Variants in PRKCZ observed in about 807,000 individuals in gnomAD.
The protein encoded by PRKCZ is protein kinase C zeta type.
In PRKCZ, 33 loss-of-function variants were observed where a neutral mutation model predicts 79.5. The observed-to-expected ratio is 0.41, with a 90% CI of 0.31 to 0.55. The LOEUF is 0.55. Among genes scored for constraint, PRKCZ ranks in the 20% least tolerant of loss-of-function variants. The probability of loss-of-function intolerance (pLI) is 0.19; values close to 1 mark genes in which losing one functional copy is unlikely to be tolerated. For synonymous variants in PRKCZ, 342 were observed against 320.9 expected (o/e 1.07, Z -0.70); for missense variants, 578 against 813.5 (o/e 0.71, Z 3.52).
chr1:2,133,127 G>A (rs1454496798), intron 4 of PRKCZ, among the ~76,000 whole-genome samples: 1 of 152,210 alleles, frequency 6.6e-6, no homozygotes, highest in Non-Finnish European at 1.5e-5. Flanking sequence ...GAACTCGAAG[G>A]ATGTCCAGTT....
Position 2,092,232 on chromosome 1 carries a change from C to T in PRKCZ, c.334+32641C>T, listed in dbSNP as rs182667175. On this transcript the variant is annotated intron_variant, in intron 4 of 17. Coordinates refer to ENST00000378567, the MANE Select transcript of PRKCZ (RefSeq NM_002744.6). ...CCTCCCCCTGTTTTCCTACGGGAGG[C>T]GAATCCTTGATGAGAGGAGGAGGCC... 3.1e-4 allele frequency among the ~76,000 whole-genome samples: 47 copies of T among 151,732 alleles called. No homozygotes were observed. In the East Asian group the frequency reaches 7.8e-3, roughly 25 times the overall value.
chr1:2,095,534 G>C (rs982746723), intron 4 of PRKCZ, among the ~76,000 whole-genome samples: 2 of 152,090 alleles, frequency 1.3e-5, no homozygotes, highest in African/African-American at 4.8e-5. Flanking sequence ...TCAAGTCCCT[G>C]TCAGTTGTTC....
At chr1:2,063,505 G>A (rs922432679) in intron 4 of PRKCZ, among the ~76,000 whole-genome samples, 3 of 152,078 alleles carry the variant, frequency 2.0e-5, no homozygotes, top group Admixed American at 1.3e-4. Flanking sequence ...TAGAGACAGG[G>A]TTTCATCATG....
At chr1:2,110,717 G>A (rs1669563950) in intron 4 of PRKCZ, among the ~76,000 whole-genome samples, 1 of 149,674 alleles carries the variant, frequency 6.7e-6, no homozygotes. Context: ...GAAACCCTGT[G>A]AGTGTGGGTG....
intron 4 of PRKCZ, among the ~76,000 whole-genome samples, chr1:2,121,461 G>C (rs994596113): frequency 5.3e-5 from 8 of 151,626 alleles, no homozygotes; most frequent in African/African-American, 1.9e-4. Flanking sequence ...TAGTTAGTTA[G>C]AGTCATGGCG....
At chr1:2,104,975 G>A (rs971018138) in intron 4 of PRKCZ, 9 of 962,716 alleles carry the variant, frequency 9.3e-6, no homozygotes, top group Non-Finnish European at 1.1e-5. Flanking sequence ...GCCTCACCCC[G>A]ACAGCCACCC....
intron 3 of PRKCZ, 21 bp from the exon 4 acceptor site, chr1:2,059,520 C>G (rs1412558515): frequency 6.2e-7 from 1 of 1,614,064 alleles, no homozygotes; most frequent in Non-Finnish European, 8.5e-7. Context: ...TTGACGCTGT[C>G]TCTTTCTCTC....
rs1350250153 is a variant in PRKCZ at position 2,059,607 on chromosome 1, TC to T, written c.334+18del. The T allele has an allele frequency of 6.2e-7, 1 of 1,613,890 alleles. No individual in the cohort carries two copies. The highest frequency in any genetic ancestry group is 1.1e-5 in the South Asian group (1 of 91,078). The stretch of plus-strand genomic sequence containing the variant: ...GGAGAAGACAGTGAGTACTGGGGTT[TC>T]CTACGCCGGTCTCGCATGTTACGGG... On this transcript the variant is annotated intron_variant, in intron 4 of 17. Coordinates refer to ENST00000378567, the MANE Select transcript of PRKCZ (RefSeq NM_002744.6).
At chr1:2,066,222 G>A (rs1661111062) in intron 4 of PRKCZ, among the ~76,000 whole-genome samples, 1 of 152,202 alleles carries the variant, frequency 6.6e-6, no homozygotes, top group Admixed American at 6.5e-5. Context: ...CAGGATGAGT[G>A]AGGAAGTGTT....
At chr1:2,092,044 G>T (rs376995869) in intron 4 of PRKCZ, among the ~76,000 whole-genome samples, 1 of 151,916 alleles carries the variant, frequency 6.6e-6, no homozygotes, top group East Asian at 1.9e-4. Context: ...GCCGGTGGAC[G>T]AATCTGTCCT....
At position 2,174,622 on chromosome 1, in the gene PRKCZ, G is replaced by C; in HGVS notation, c.1406-132G>C. Reference sequence around the variant, plus strand: ...GACTCCGGGTTATAGATATTGCTGGGCTGTAGGAAGGGAGGGGCTCCGGGG... The same window carrying C: ...GACTCCGGGTTATAGATATTGCTGGCCTGTAGGAAGGGAGGGGCTCCGGGG... On this transcript the variant is annotated intron_variant, in intron 14 of 17. Coordinates refer to ENST00000378567, the MANE Select transcript of PRKCZ (RefSeq NM_002744.6). This position sits in a 1 kb window ranked among gnomAD's most constrained non-coding sequence, Gnocchi z 6.2. 1.2e-6 allele frequency: 1 copy of C among 817,656 alleles called. No homozygotes were observed. Among genetic ancestry groups the C allele is most frequent in the Non-Finnish European group, 2.0e-6 (1 of 503,868 alleles). The allele number at this position is 817,656 out of a possible 1,614,324, so 50.7% of individuals were successfully genotyped here. A position where few individuals can be genotyped will look rare whatever the true frequency, so the allele number is the denominator to read the frequency against.
At chr1:2,129,496 C>T (rs1168420140) in intron 4 of PRKCZ, among the ~76,000 whole-genome samples, 1 of 152,084 alleles carries the variant, frequency 6.6e-6, no homozygotes, top group Non-Finnish European at 1.5e-5. Flanking sequence ...CACGTGGGCT[C>T]CAGGACAGGA....
intron 4 of PRKCZ, among the ~76,000 whole-genome samples, chr1:2,085,176 T>C (rs1664263195): frequency 6.6e-6 from 1 of 152,200 alleles, no homozygotes; most frequent in Admixed American, 6.5e-5. Context: ...TGAGTGGGTA[T>C]TTATTTAAAG....
chr1:2,095,476 C>G (rs969074832), intron 4 of PRKCZ, among the ~76,000 whole-genome samples: 1 of 152,112 alleles, frequency 6.6e-6, no homozygotes, highest in Non-Finnish European at 1.5e-5. Flanking sequence ...GTGAGGGACC[C>G]CCTGAAGAGG....
chr1:2,057,375 C>T (rs923023697), intron 3 of PRKCZ, among the ~76,000 whole-genome samples: 2 of 152,200 alleles, frequency 1.3e-5, no homozygotes, highest in Non-Finnish European at 2.9e-5. Flanking sequence ...CAGCCGGTCA[C>T]GTCTTTGTCT....
chr1:2,083,939 A>G (rs1664038423), intron 4 of PRKCZ, among the ~76,000 whole-genome samples: 1 of 152,174 alleles, frequency 6.6e-6, no homozygotes, highest in African/African-American at 2.4e-5. Flanking sequence ...GTGTTTTAAA[A>G]ATCGTATGTT....
At chr1:2,059,845 C>T (rs907118663) in intron 4 of PRKCZ, among the ~76,000 whole-genome samples, 8 of 152,114 alleles carry the variant, frequency 5.3e-5, no homozygotes, top group Admixed American at 2.0e-4. Flanking sequence ...GGTGCCCTGC[C>T]GTCTCCCTAG....
chr1:2,057,859 C>T (rs1229545568), intron 3 of PRKCZ, among the ~76,000 whole-genome samples: 2 of 151,760 alleles, frequency 1.3e-5, no homozygotes, highest in Non-Finnish European at 2.9e-5. Context: ...CATGTGCCAC[C>T]ACACTTGGCT....
chr1:2,128,937 A>C lies in PRKCZ; in HGVS notation c.335-6325A>C, dbSNP rs1232828214. Among the ~76,000 whole-genome samples, 1 of 152,162 alleles carries C rather than the reference A, an allele frequency of 6.6e-6. No individual in the cohort carries two copies. Among genetic ancestry groups the C allele is most frequent in the Admixed American group, 6.5e-5 (1 of 15,282 alleles). On this transcript the variant is annotated intron_variant, in intron 4 of 17. Coordinates refer to ENST00000378567, the MANE Select transcript of PRKCZ (RefSeq NM_002744.6). This position sits in a 1 kb window ranked among gnomAD's most constrained non-coding sequence, Gnocchi z 6.5. ...GGGCCGTTTCCAGAGCACACTCCCCAGAAGGGCTCCCTTCTCCTTTTCACA... is the reference window on the plus strand; with the variant it reads ...GGGCCGTTTCCAGAGCACACTCCCCCGAAGGGCTCCCTTCTCCTTTTCACA...
Sources: gnomAD v4.1 joint callset for allele counts (sites outside exome capture counted in the v4.1 genomes callset) on GRCh38, gnomAD v4.1.1 for gene constraint, Gnocchi (gnomAD v3.1) non-coding constraint, MANE v1.5 for transcripts, NCBI Gene and HGNC (gene_info 2026-07-23, HGNC 2026-07-21) for gene names.